METTL9: variants seen among roughly 807,000 people sequenced by gnomAD.
The protein encoded by METTL9 is methyltransferase 9, His-X-His N1(pi)-histidine, also known as protein-L-histidine N-pros-methyltransferase.
METTL9 carries 10 observed loss-of-function variants against 36.0 expected under a neutral mutation model. The ratio of observed to expected loss-of-function variants is 0.28; its 90% confidence interval spans 0.17 to 0.47. METTL9 has a LOEUF of 0.47. Among genes scored for constraint, METTL9 ranks in the 20% least tolerant of loss-of-function variants. The probability of loss-of-function intolerance (pLI) is 0.99; values close to 1 mark genes in which losing one functional copy is unlikely to be tolerated. For missense variants in METTL9, 246 were observed against 383.5 expected (o/e 0.64, Z 3.00); for synonymous variants, 175 against 149.7 (o/e 1.17, Z -1.23).
chr16:21,647,376 G>C, intron 4 of METTL9: 1 of 1,614,146 alleles, frequency 6.2e-7, no homozygotes, highest in South Asian at 1.1e-5. Context: ...CATGTTGGTT[G>C]CTCAGAAGGG....
chr16:21,619,838 C>G (rs1965650725), intron 3 of METTL9, among the ~76,000 whole-genome samples: 2 of 152,040 alleles, frequency 1.3e-5, no homozygotes, highest in Admixed American at 1.3e-4. Context: ...CAGCCTTTCT[C>G]TGTGATATTT....
chr16:21,609,629 A>G (rs1192802313), intron 1 of METTL9, among the ~76,000 whole-genome samples: 1 of 152,032 alleles, frequency 6.6e-6, no homozygotes, highest in Admixed American at 6.6e-5. Flanking sequence ...AGCAAATACC[A>G]TGTGAGACAG....
chr16:21,603,815 A>G (rs907326974), intron 1 of METTL9, among the ~76,000 whole-genome samples: 2 of 152,214 alleles, frequency 1.3e-5, no homozygotes, highest in African/African-American at 4.8e-5. Context: ...CACAGATAAC[A>G]TTCAATATCT....
At chr16:21,651,387 T>A (rs2141625535) in intron 4 of METTL9, among the ~76,000 whole-genome samples, 1 of 152,226 alleles carries the variant, frequency 6.6e-6, no homozygotes, top group East Asian at 1.9e-4. Flanking sequence ...CTGAAAGTCC[T>A]GGGCTCAAGT....
intron 4 of METTL9, among the ~76,000 whole-genome samples, chr16:21,629,493 T>G (rs76205160): frequency 4.6e-5 from 7 of 152,202 alleles, no homozygotes; most frequent in Non-Finnish European, 1.0e-4. Context: ...TTGGTCTCTC[T>G]GACTTCAGGA....
In METTL9 at chr16:21,654,031, G is replaced by GTTT. The variant is rs1567351159; in HGVS notation, c.752-1194_752-1192dup. The GTTT allele has an allele frequency of 2.3e-4, 28 of 121,662 alleles. 1 individual carries two copies. Among genetic ancestry groups the GTTT allele is most frequent in the African/African-American group, 8.2e-4 (26 of 31,664 alleles). The allele number at this position is 121,662 out of a possible 1,614,324, so 7.5% of individuals were successfully genotyped here. A position where few individuals can be genotyped will look rare whatever the true frequency, so the allele number is the denominator to read the frequency against. ...ATTAACAGAAAGTTATTCTCAGTCT[G>GTTT]TTTTGTTTTTTTTTTTTTTTTTTTT... On this transcript the variant is annotated intron_variant, in intron 4 of 4. Coordinates refer to ENST00000358154, the MANE Select transcript of METTL9 (RefSeq NM_016025.5).
intron 4 of METTL9, among the ~76,000 whole-genome samples, chr16:21,638,621 C>G (rs1394548568): frequency 3.3e-5 from 5 of 152,094 alleles, no homozygotes; most frequent in African/African-American, 1.2e-4. Context: ...TAGATAGAAA[C>G]AGATAATGGC....
intron 1 of METTL9, among the ~76,000 whole-genome samples, chr16:21,601,133 T>A (rs1965115285): frequency 6.6e-6 from 1 of 152,188 alleles, no homozygotes; most frequent in Admixed American, 6.5e-5. Context: ...CCTCCAGCCA[T>A]TGCAGTTTGT....
intron 3 of METTL9, among the ~76,000 whole-genome samples, chr16:21,619,292 A>C (rs1055981188): frequency 1.3e-5 from 2 of 152,190 alleles, no homozygotes; most frequent in African/African-American, 4.8e-5. Flanking sequence ...CCAGCAATGT[A>C]GTACAAGGGT....
intron 3 of METTL9, among the ~76,000 whole-genome samples, chr16:21,621,312 T>C (rs1023229818): frequency 6.6e-6 from 1 of 152,090 alleles, no homozygotes; most frequent in Non-Finnish European, 1.5e-5. Context: ...ACACACCTTT[T>C]TAAATAAAGG....
rs113580769 is a variant in METTL9 at position 21,651,080 on chromosome 16, G to A, written c.752-4147G>A. The stretch of plus-strand genomic sequence containing the variant: ...CTACTAAAAATACAAAAAATTAGCC[G>A]GGTGTGGTGGCAGATGCCTGTAGTC... On this transcript the variant is annotated intron_variant, in intron 4 of 4. Coordinates refer to ENST00000358154, the MANE Select transcript of METTL9 (RefSeq NM_016025.5). Among the ~76,000 whole-genome samples the A allele has an allele frequency of 7.3e-3, 1,116 of 152,118 alleles. 16 individuals are homozygous for A. The highest frequency in any genetic ancestry group is 0.026 in the African/African-American group (1,060 of 41,492).
intron 1 of METTL9, among the ~76,000 whole-genome samples, chr16:21,601,729 C>CTG (rs57264395): frequency 0.48 from 69,310 of 145,566 alleles, 18,005 homozygotes; most frequent in Non-Finnish European, 0.62. Flanking sequence ...TATTTATATT[C>CTG]TGTGTGTGTG....
At chr16:21,613,441 A>G (rs1004208635) in intron 2 of METTL9, among the ~76,000 whole-genome samples, 10 of 151,870 alleles carry the variant, frequency 6.6e-5, no homozygotes, top group Non-Finnish European at 1.3e-4. Context: ...TGCCTCCCAA[A>G]GTGCTGGGAT....
intron 4 of METTL9, among the ~76,000 whole-genome samples, chr16:21,636,474 G>A (rs1481148002): frequency 6.6e-6 from 1 of 152,162 alleles, no homozygotes; most frequent in East Asian, 1.9e-4. Context: ...GACTCCAAGA[G>A]GTGAGAGGAA....
At chr16:21,598,254 CAGA>C (rs1222959453), upstream of METTL9, among the ~76,000 whole-genome samples, 6 of 148,306 alleles carry the variant, frequency 4.0e-5, no homozygotes, top group African/African-American at 1.0e-4. Flanking sequence ...GAGGCTGAGG[CAGA>C]AGAATTGCTT....
At chr16:21,605,574 C>G (rs1319254905) in intron 1 of METTL9, among the ~76,000 whole-genome samples, 6 of 151,978 alleles carry the variant, frequency 3.9e-5, no homozygotes, top group African/African-American at 1.4e-4. Flanking sequence ...GGAAACTGCC[C>G]TCATTCTAGT....
intron 4 of METTL9, 147 bp downstream of exon 4, chr16:21,625,262 C>T (rs1170812785): frequency 2.3e-6 from 2 of 857,784 alleles, no homozygotes; most frequent in Admixed American, 2.2e-5. Flanking sequence ...TGTAAAACAC[C>T]ATCTTGGTTA....
chr16:21,616,203 C>T (rs1179606108), intron 2 of METTL9, among the ~76,000 whole-genome samples: 1 of 152,156 alleles, frequency 6.6e-6, no homozygotes, highest in African/African-American at 2.4e-5. Flanking sequence ...ACAGGTTTCC[C>T]TGCCACTTCC....
intron 4 of METTL9, among the ~76,000 whole-genome samples, chr16:21,634,458 T>C (rs1374157135): frequency 6.6e-6 from 1 of 152,188 alleles, no homozygotes; most frequent in Non-Finnish European, 1.5e-5. Context: ...TCTTAAAGTG[T>C]CCTTGTAAAC....
Sources: allele counts gnomAD v4.1 joint callset (sites outside exome capture counted in the v4.1 genomes callset), GRCh38; gene constraint gnomAD v4.1.1; transcripts MANE v1.5; gene names NCBI Gene and HGNC (gene_info 2026-07-23, HGNC 2026-07-21).